Variants in COL21A1 observed in about 807,000 individuals in gnomAD.
The protein encoded by COL21A1 is collagen alpha-1(XXI) chain.
In COL21A1, 149 loss-of-function variants were observed where a neutral mutation model predicts 137.9. The observed-to-expected ratio is 1.08, with a 90% confidence interval of 0.95 to 1.24. The LOEUF (loss-of-function observed/expected upper bound fraction) is 1.24, where lower values mean the gene tolerates loss of function less well. Among genes scored for constraint, COL21A1 ranks in the 50% most tolerant of loss-of-function variants. COL21A1 has a pLI of 0.00. For synonymous variants in COL21A1, 456 were observed against 391.5 expected, an observed-to-expected ratio of 1.16 and a Z score of -1.95; for missense variants, 1,167 against 1,158.4, an observed-to-expected ratio of 1.01 and a Z score of -0.11.
chr6:56,075,549 T>C lies in COL21A1; in HGVS notation c.1858-17A>G, dbSNP rs1422718906. 5.4e-6 allele frequency: 8 copies of C among 1,479,472 alleles called. No homozygotes were observed. Among genetic ancestry groups the C allele is most frequent in the Non-Finnish European group, 7.2e-6 (8 of 1,103,516 alleles). 91.6% of individuals were successfully genotyped at this position (1,479,472 alleles called of 1,614,324 possible). ...AATTTCTCCCTAAAAAAATCAAACA[T>C]TAAAAACATTATAAATTGTAAATTA... On this transcript the variant is annotated splice_polypyrimidine_tract_variant and intron_variant, in intron 18 of 29. Transcript: ENST00000244728.
intron 1 of COL21A1, among the ~76,000 whole-genome samples, chr6:56,265,939 T>A (rs1218952584): frequency 6.6e-6 from 1 of 152,160 alleles, no homozygotes; most frequent in Admixed American, 6.5e-5. Context: ...TAAATACACA[T>A]TCGCAACTAA....
intron 1 of COL21A1, among the ~76,000 whole-genome samples, chr6:56,376,456 T>TTC (rs1213513207): frequency 2.0e-5 from 3 of 151,934 alleles, no homozygotes; most frequent in African/African-American, 7.3e-5. Context: ...GTTTTTTTTT[T>TTC]TTTAATGAAA....
At chr6:56,153,881 C>G (rs1775521486) in intron 10 of COL21A1, among the ~76,000 whole-genome samples, 2 of 152,140 alleles carry the variant, frequency 1.3e-5, no homozygotes, top group Admixed American at 1.3e-4. Flanking sequence ...CTTCTCTTCT[C>G]TATTTATTTG....
At position 56,164,412 on chromosome 6, in the gene COL21A1, G is replaced by T. The variant is rs760177765; in HGVS notation, c.1371+11C>A. 2.6e-6 allele frequency: 4 copies of T among 1,554,042 alleles called. No homozygotes were observed. The highest frequency in any genetic ancestry group is 3.5e-6 in the Non-Finnish European group (4 of 1,142,082). ...TGTTTTAACAAAAACAGCAAGTTAG[G>T]TGTTACCCACTTTGGGGCCTTGAAG... is the stretch of plus-strand genomic sequence containing the variant. On this transcript the variant is annotated intron_variant, in intron 9 of 29. Coordinates refer to ENST00000244728, the MANE Select transcript of COL21A1 (RefSeq NM_030820.4).
chr6:56,208,149 C>T (rs1340796761), intron 1 of COL21A1, among the ~76,000 whole-genome samples: 2 of 152,078 alleles, frequency 1.3e-5, no homozygotes, highest in Non-Finnish European at 2.9e-5. Flanking sequence ...TCTCTCACCT[C>T]TCCTAATCAA....
chr6:56,142,961 T>G (rs1048287440), intron 10 of COL21A1, among the ~76,000 whole-genome samples: 15 of 152,188 alleles, frequency 9.9e-5, no homozygotes, highest in African/African-American at 3.6e-4. Flanking sequence ...GTCTTCATAT[T>G]CATCCACTCA....
chr6:56,091,481 A>T (rs1768809746), intron 17 of COL21A1: 1 of 152,610 alleles, frequency 6.6e-6, no homozygotes, highest in South Asian at 2.1e-4. Flanking sequence ...TCCTTCATTA[A>T]GAAATATGCA....
chr6:56,084,504 T>G (rs1768060202), intron 17 of COL21A1, among the ~76,000 whole-genome samples: 1 of 151,904 alleles, frequency 6.6e-6, no homozygotes, highest in South Asian at 2.1e-4. Context: ...GACTCAAATT[T>G]ACAACACAAC....
chr6:56,126,089 C>A lies in COL21A1; in HGVS notation c.1596+7G>T. Reference sequence around the variant, plus strand: ...TGCTATATTTAAAAGAAACAGATTTCTTCAACCTTTGATCCTGGCATGCCA... The same window carrying A: ...TGCTATATTTAAAAGAAACAGATTTATTCAACCTTTGATCCTGGCATGCCA... On this transcript the variant is annotated splice_region_variant and intron_variant, in intron 13 of 29. Coordinates refer to ENST00000244728, the MANE Select transcript of COL21A1 (RefSeq NM_030820.4). The A allele has an allele frequency of 6.5e-7, 1 of 1,534,824 alleles. No individual in the cohort carries two copies. The highest frequency in any genetic ancestry group is 1.2e-5 in the South Asian group (1 of 81,144).
chr6:56,382,780 C>T (rs1370619289), intron 1 of COL21A1, among the ~76,000 whole-genome samples: 2 of 152,166 alleles, frequency 1.3e-5, no homozygotes, highest in Admixed American at 6.5e-5. Context: ...GTCCAGCCTC[C>T]ATAATTCTAA....
chr6:56,107,553 A>T (rs750039566), intron 16 of COL21A1, among the ~76,000 whole-genome samples: 3 of 152,276 alleles, frequency 2.0e-5, no homozygotes, highest in Non-Finnish European at 4.4e-5. Flanking sequence ...TCATCTTCAT[A>T]GGAAAAAGAG....
chr6:56,280,887 G>A (rs930826781), intron 1 of COL21A1, among the ~76,000 whole-genome samples: 3 of 152,104 alleles, frequency 2.0e-5, no homozygotes, highest in East Asian at 3.9e-4. Context: ...TGGGTGTGGC[G>A]GCACATACTA....
At chr6:56,310,826 T>C (rs910479662) in intron 1 of COL21A1, among the ~76,000 whole-genome samples, 1 of 150,384 alleles carries the variant, frequency 6.6e-6, no homozygotes, top group African/African-American at 2.5e-5. Flanking sequence ...TGTTATATAA[T>C]ATTTAGAACA....
At chr6:56,369,848 T>C (rs1766190693) in intron 1 of COL21A1, among the ~76,000 whole-genome samples, 1 of 152,224 alleles carries the variant, frequency 6.6e-6, no homozygotes, top group African/African-American at 2.4e-5. Flanking sequence ...AACCAATTGA[T>C]ATTCAGAGTG....
At chr6:56,273,874 T>A (rs889556824) in intron 1 of COL21A1, among the ~76,000 whole-genome samples, 15 of 152,116 alleles carry the variant, frequency 9.9e-5, no homozygotes, top group Non-Finnish European at 1.5e-4. Flanking sequence ...CCCTAACTCA[T>A]TCTATGATGC....
At chr6:56,143,169 A>G (rs1774551207) in intron 10 of COL21A1, among the ~76,000 whole-genome samples, 1 of 150,962 alleles carries the variant, frequency 6.6e-6, no homozygotes, top group Non-Finnish European at 1.5e-5. Flanking sequence ...AGTTACTTAT[A>G]GAATGAATGA....
chr6:56,080,386 C>T (rs1030184133), intron 17 of COL21A1, among the ~76,000 whole-genome samples: 8 of 151,650 alleles, frequency 5.3e-5, no homozygotes, highest in African/African-American at 1.9e-4. Context: ...AATGTTGACA[C>T]AAAAAATTGT....
chr6:56,335,630 T>C (rs1389060557), intron 1 of COL21A1, among the ~76,000 whole-genome samples: 1 of 152,204 alleles, frequency 6.6e-6, no homozygotes, highest in Non-Finnish European at 1.5e-5. Flanking sequence ...ACCTAAACTC[T>C]TCATTTTTCC....
chr6:56,278,846 C>T (rs1763729920), intron 1 of COL21A1, among the ~76,000 whole-genome samples: 1 of 152,190 alleles, frequency 6.6e-6, no homozygotes, highest in Non-Finnish European at 1.5e-5. Flanking sequence ...CACCTTCCTT[C>T]TTGAAAGAGT....
Sources: allele counts gnomAD v4.1 joint callset (sites outside exome capture counted in the v4.1 genomes callset), GRCh38; gene constraint gnomAD v4.1.1; transcripts MANE v1.5; gene names NCBI Gene and HGNC (gene_info 2026-07-23, HGNC 2026-07-21).